The following BCKDHB variants were observed in gnomAD, a reference collection of about 807,000 sequenced individuals.
The protein encoded by BCKDHB is branched chain keto acid dehydrogenase E1 subunit beta.
BCKDHB carries 41 observed loss-of-function variants against 48.5 expected under a neutral mutation model. The observed-to-expected ratio is 0.85, with a 90% confidence interval of 0.66 to 1.10. The LOEUF is 1.10. BCKDHB is among the 50% of genes least tolerant of loss of function. The pLI is 0.00. For missense variants in BCKDHB, 496 were observed against 494.2 expected (o/e 1.00, Z -0.03); for synonymous variants, 201 against 174.8 (o/e 1.15, Z -1.18).
chr6:80,362,463 C>G, the BCKDHB span, among the ~76,000 whole-genome samples: 1 of 152,100 alleles, frequency 6.6e-6, no homozygotes, highest in Non-Finnish European at 1.5e-5. Flanking sequence ...AGTCCTCCGG[C>G]TAACCAGACA....
chr6:80,304,560 T>C (rs1767755949), intron 9 of BCKDHB, among the ~76,000 whole-genome samples: 1 of 152,162 alleles, frequency 6.6e-6, no homozygotes, highest in African/African-American at 2.4e-5. Context: ...TACACAGTGT[T>C]CTAGAAGATT....
intron 9 of BCKDHB, among the ~76,000 whole-genome samples, chr6:80,289,792 G>A (rs1582512006): frequency 1.3e-5 from 2 of 152,228 alleles, no homozygotes; most frequent in South Asian, 4.2e-4. Context: ...ACAGCATGGA[G>A]CCCAAAAGTT....
At chr6:80,321,199 A>G (rs1476398187) in intron 9 of BCKDHB, among the ~76,000 whole-genome samples, 6 of 152,168 alleles carry the variant, frequency 3.9e-5, no homozygotes, top group Non-Finnish European at 7.3e-5. Context: ...GAAGGATGCT[A>G]TAATTAGTGA....
At chr6:80,327,045 T>C (rs1415793874) in intron 9 of BCKDHB, among the ~76,000 whole-genome samples, 1 of 152,178 alleles carries the variant, frequency 6.6e-6, no homozygotes, top group Non-Finnish European at 1.5e-5. Context: ...TTTTAACCTG[T>C]GCCTATGTTT....
intron 1 of BCKDHB, among the ~76,000 whole-genome samples, chr6:80,111,101 A>G (rs1769385135): frequency 6.6e-6 from 1 of 152,186 alleles, no homozygotes; most frequent in South Asian, 2.1e-4. Context: ...TTGTTTCTCA[A>G]TTTGACAAAT....
the BCKDHB span, among the ~76,000 whole-genome samples, chr6:80,453,765 C>G: frequency 6.6e-6 from 1 of 152,072 alleles, no homozygotes; most frequent in Non-Finnish European, 1.5e-5. Flanking sequence ...TGCAAGTTCC[C>G]AAAGTGCTGA....
the BCKDHB span, among the ~76,000 whole-genome samples, chr6:80,361,964 G>A: frequency 3.3e-5 from 5 of 152,032 alleles, no homozygotes; most frequent in East Asian, 1.9e-4. Context: ...GTGGTCCTGG[G>A]AGTTGTATAA....
intron 6 of BCKDHB, among the ~76,000 whole-genome samples, chr6:80,182,138 A>G (rs1773442085): frequency 6.6e-6 from 1 of 152,156 alleles, no homozygotes; most frequent in African/African-American, 2.4e-5. Context: ...TTTCTTGTAA[A>G]TCTACAGTTC....
At chr6:80,450,681 A>G in the BCKDHB span, among the ~76,000 whole-genome samples, 2 of 152,074 alleles carry the variant, frequency 1.3e-5, no homozygotes, top group African/African-American at 2.4e-5. Flanking sequence ...AGCTGTTACA[A>G]TCTCATGCAC....
At chr6:80,202,358 T>A (rs1478041952) in intron 7 of BCKDHB, among the ~76,000 whole-genome samples, 1 of 152,186 alleles carries the variant, frequency 6.6e-6, no homozygotes, top group African/African-American at 2.4e-5. Flanking sequence ...TTAAAAAGTA[T>A]GTTTCTCTTC....
intron 3 of BCKDHB, among the ~76,000 whole-genome samples, chr6:80,156,745 A>G (rs1772060803): frequency 6.6e-6 from 1 of 152,182 alleles, no homozygotes. Flanking sequence ...GTGAATAGGT[A>G]TTCTTTTCAT....
the BCKDHB span, among the ~76,000 whole-genome samples, chr6:80,419,546 C>T: frequency 6.6e-6 from 1 of 152,182 alleles, no homozygotes; most frequent in Admixed American, 6.5e-5. Flanking sequence ...TTTTCCCTGG[C>T]CATGCTTTAT....
the BCKDHB span, among the ~76,000 whole-genome samples, chr6:80,369,484 AT>A: frequency 6.6e-6 from 1 of 152,248 alleles, no homozygotes; most frequent in Admixed American, 6.5e-5. Context: ...TTCAAACCTC[AT>A]GATGATGTTT....
At chr6:80,325,578 C>T (rs1161650036) in intron 9 of BCKDHB, among the ~76,000 whole-genome samples, 6 of 152,154 alleles carry the variant, frequency 3.9e-5, no homozygotes, top group African/African-American at 1.4e-4. Flanking sequence ...GTTTTGTATA[C>T]AATGTAAATG....
the BCKDHB span, among the ~76,000 whole-genome samples, chr6:80,407,629 G>T: frequency 6.6e-6 from 1 of 152,184 alleles, no homozygotes; most frequent in African/African-American, 2.4e-5. Context: ...GTGAATGGGA[G>T]CTCACTCATG....
chr6:80,370,747 G>A, the BCKDHB span, among the ~76,000 whole-genome samples: 1 of 151,118 alleles, frequency 6.6e-6, no homozygotes, highest in Non-Finnish European at 1.5e-5. Flanking sequence ...TTATGGCTGA[G>A]TAGTGTTCCA....
At chr6:80,366,924 C>G in the BCKDHB span, among the ~76,000 whole-genome samples, 1 of 152,234 alleles carries the variant, frequency 6.6e-6, no homozygotes, top group Non-Finnish European at 1.5e-5. Flanking sequence ...AGCCCTGGCT[C>G]TATGCCAGCT....
chr6:80,332,084 C>T (rs1056980596), intron 9 of BCKDHB, among the ~76,000 whole-genome samples: 2 of 152,152 alleles, frequency 1.3e-5, no homozygotes, highest in South Asian at 2.1e-4. Context: ...ATGCTTGTCT[C>T]AGACAACTGA....
At chr6:80,241,114 T>A (rs939596102) in intron 8 of BCKDHB, among the ~76,000 whole-genome samples, 1 of 152,102 alleles carries the variant, frequency 6.6e-6, no homozygotes, top group African/African-American at 2.4e-5. Flanking sequence ...TCATTTAAGG[T>A]CTTCTCTATG....
Sources: gnomAD v4.1 joint callset for allele counts (sites outside exome capture counted in the v4.1 genomes callset) on GRCh38, gnomAD v4.1.1 for gene constraint, MANE v1.5 for transcripts, NCBI Gene and HGNC (gene_info 2026-07-23, HGNC 2026-07-21) for gene names.